Variants in KCNK10 observed in about 807,000 individuals in gnomAD.
KCNK10 encodes the protein potassium two pore domain channel subfamily K member 10.
A neutral mutation model predicts 47.7 loss-of-function variants in KCNK10; 25 were observed. That is an observed-to-expected ratio of 0.52 (90% CI 0.38 to 0.73). The LOEUF (loss-of-function observed/expected upper bound fraction) is 0.73, where lower values mean the gene tolerates loss of function less well. KCNK10 is among the 30% of genes least tolerant of loss of function. The pLI is 0.00. For missense variants in KCNK10, 563 were observed against 714.5 expected, an observed-to-expected ratio of 0.79 and a Z score of 2.42; for synonymous variants, 303 against 285.6, an observed-to-expected ratio of 1.06 and a Z score of -0.61.
At chr14:88,262,517 A>G (rs1398853783) in intron 2 of KCNK10, among the ~76,000 whole-genome samples, 1 of 152,138 alleles carries the variant, frequency 6.6e-6, no homozygotes, top group African/African-American at 2.4e-5. Context: ...CCAAGTCCAC[A>G]TCTGTCGCCC....
rs1243672497 is a variant in KCNK10 at position 88,184,908 on chromosome 14, T to C, written c.*627A>G. 8 of 152,930 alleles carry C rather than the reference T, an allele frequency of 5.2e-5. No individual in the cohort carries two copies. The highest frequency in any genetic ancestry group is 1.9e-4 in the African/African-American group (8 of 41,428). The allele number at this position is 152,930 out of a possible 1,614,324, so 9.5% of individuals were successfully genotyped here. On this transcript the variant is annotated 3_prime_UTR_variant, in exon 7 of 7. Transcript: ENST00000319231. ...GTGTTTGTGATTATTTTTTTTCTTTTGTCATGAGAAAAGCAATTGCACCTT... is the reference window on the plus strand; with the variant it reads ...GTGTTTGTGATTATTTTTTTTCTTTCGTCATGAGAAAAGCAATTGCACCTT...
upstream of KCNK10, chr14:88,326,573 A>T (rs1449952560): frequency 1.3e-6 from 1 of 772,232 alleles, no homozygotes; most frequent in Non-Finnish European, 2.2e-6. Flanking sequence ...TTCCTGCGGC[A>T]GGAAAACAAA....
In KCNK10 at chr14:88,270,243, G is replaced by C. The variant is rs141281960; in HGVS notation, c.53-6692C>G. On this transcript the variant is annotated intron_variant, in intron 1 of 6. Transcript: ENST00000319231. ...CAGACTTCAGGCCGCTGGGGAGGGA[G>C]GGTGTTAGGAAGAGGGCAGGAAAGA... Among the ~76,000 whole-genome samples the C allele has an allele frequency of 1.2e-3, 186 of 152,310 alleles. 1 individual carries two copies. The highest frequency in any genetic ancestry group is 4.2e-3 in the African/African-American group (175 of 41,580).
chr14:88,197,859 G>GGAGAGAGAGAGA lies in KCNK10; in HGVS notation c.682-5461_682-5450dup, dbSNP rs71126969. ...AAACAGAAGGAAGGAAGGAGGGAAG[G>GGAGAGAGAGAGA]GAGAGAGAGAGAGAGAGAGAGAGAG... On this transcript the variant is annotated intron_variant, in intron 4 of 6. Coordinates refer to ENST00000319231, the MANE Select transcript of KCNK10 (RefSeq NM_138317.3). 3.8e-3 allele frequency among the ~76,000 whole-genome samples: 476 copies of GGAGAGAGAGAGA among 125,386 alleles called. 8 individuals are homozygous for GGAGAGAGAGAGA. Among genetic ancestry groups the GGAGAGAGAGAGA allele is most frequent in the African/African-American group, 0.015 (449 of 30,254 alleles). 82.3% of individuals were successfully genotyped at this position (125,386 alleles called of 152,430 possible). A position where few individuals can be genotyped will look rare whatever the true frequency, so the allele number is the denominator to read the frequency against.
chr14:88,187,594 C>T (rs979009289), intron 6 of KCNK10, among the ~76,000 whole-genome samples: 28 of 150,110 alleles, frequency 1.9e-4, no homozygotes, highest in African/African-American at 6.1e-4. Flanking sequence ...TGCCTTTCTG[C>T]ACAGACCCTG....
chr14:88,289,350 G>C (rs924465549), intron 1 of KCNK10, among the ~76,000 whole-genome samples: 3 of 152,190 alleles, frequency 2.0e-5, no homozygotes, highest in Non-Finnish European at 2.9e-5. Context: ...CTGAAGCAGG[G>C]CCCCATTAGT....
chr14:88,323,034 T>C lies in KCNK10; in HGVS notation c.-236A>G. On this transcript the variant is annotated 5_prime_UTR_variant, in exon 1 of 7. Transcript: ENST00000319231. The stretch of plus-strand genomic sequence containing the variant: ...CAGGGGGTGGCCGGCCGCGGCCCCG[T>C]GGGTAAAAGAAAAAGTAAGATCGGC... The C allele has an allele frequency of 7.5e-7, 1 of 1,332,442 alleles. No individual in the cohort carries two copies. The highest frequency in any genetic ancestry group is 9.6e-7 in the Non-Finnish European group (1 of 1,039,898). The allele number at this position is 1,332,442 out of a possible 1,614,324, so 82.5% of individuals were successfully genotyped here. A position where few individuals can be genotyped will look rare whatever the true frequency, so the allele number is the denominator to read the frequency against.
At chr14:88,273,712 C>A (rs918436740) in intron 1 of KCNK10, among the ~76,000 whole-genome samples, 1 of 152,156 alleles carries the variant, frequency 6.6e-6, no homozygotes, top group East Asian at 1.9e-4. Flanking sequence ...CTTTATCCTG[C>A]CTCCATGATC....
Position 88,186,108 on chromosome 14 carries a change from C to T in KCNK10, c.1059G>A (p.Thr353=), listed in dbSNP as rs752146388. Residue 353 remains threonine (T), a synonymous_variant, in exon 7 of 7, where the codon ACG becomes ACA. Coordinates refer to ENST00000319231, the MANE Select transcript of KCNK10 (RefSeq NM_138317.3). This position sits in a 1 kb window ranked among gnomAD's most constrained non-coding sequence, Gnocchi z 5.5. ...AHAAEWKANV[T]AEFRETRRRL... Reference sequence around the variant, plus strand: ...TTCGCCGTGTCTCCCGGAACTCAGCCGTGACATTGGCCTTCCACTCTGCCG... The same window carrying T: ...TTCGCCGTGTCTCCCGGAACTCAGCTGTGACATTGGCCTTCCACTCTGCCG... 1.1e-5 allele frequency: 17 copies of T among 1,607,718 alleles called. No individual in the cohort carries two copies. Among genetic ancestry groups the T allele is most frequent in the African/African-American group, 2.7e-5 (2 of 74,808 alleles).
At chr14:88,193,644 T>C (rs1349977680) in intron 4 of KCNK10, among the ~76,000 whole-genome samples, 1 of 152,208 alleles carries the variant, frequency 6.6e-6, no homozygotes, top group Non-Finnish European at 1.5e-5. Flanking sequence ...TGCATCCTCT[T>C]CATCGCACCA....
At chr14:88,200,393 C>T (rs1885065798) in intron 4 of KCNK10, among the ~76,000 whole-genome samples, 1 of 152,034 alleles carries the variant, frequency 6.6e-6, no homozygotes, top group Non-Finnish European at 1.5e-5. Flanking sequence ...AGAGATAGAA[C>T]AATAGTTTGA....
chr14:88,322,787 T>A lies in KCNK10; in HGVS notation c.12A>T (p.Pro4=), dbSNP rs1344409593. MKF[P]IETPRKQVNW... Reference sequence around the variant, plus strand: ...TCACCTGTTTTCTTGGCGTCTCGATTGGAAATTTCATTGCTTCGTTGCCCA... The same window carrying A: ...TCACCTGTTTTCTTGGCGTCTCGATAGGAAATTTCATTGCTTCGTTGCCCA... Residue 4 remains proline, a synonymous_variant, in exon 1 of 7, where the codon CCA becomes CCT. Transcript: ENST00000319231. This position sits in a 1 kb window ranked among gnomAD's most constrained non-coding sequence, Gnocchi z 4.8. 6.2e-7 allele frequency: 1 copy of A among 1,614,160 alleles called. No homozygotes were observed.
intron 1 of KCNK10, among the ~76,000 whole-genome samples, chr14:88,284,076 C>A (rs1486076496): frequency 6.6e-6 from 1 of 152,094 alleles, no homozygotes; most frequent in Non-Finnish European, 1.5e-5. Flanking sequence ...CTTGGTTGGA[C>A]TTTGGAGTAA....
intron 1 of KCNK10, among the ~76,000 whole-genome samples, chr14:88,292,324 G>A (rs1178213505): frequency 6.6e-6 from 1 of 152,164 alleles, no homozygotes; most frequent in Non-Finnish European, 1.5e-5. Flanking sequence ...ACAGGGAAAG[G>A]AGAGCTTTGT....
At chr14:88,252,693 T>C (rs1473422598) in intron 2 of KCNK10, among the ~76,000 whole-genome samples, 2 of 152,082 alleles carry the variant, frequency 1.3e-5, no homozygotes, top group Non-Finnish European at 2.9e-5. Context: ...TAAATCTTTC[T>C]CCACTAAAAC....
chr14:88,268,395 T>A (rs1031955863), intron 1 of KCNK10, among the ~76,000 whole-genome samples: 4 of 152,186 alleles, frequency 2.6e-5, no homozygotes, highest in African/African-American at 9.7e-5. Context: ...TGTAGGCGCA[T>A]GCTCATGCCC....
At chr14:88,323,995 G>A (rs1311676701), upstream of KCNK10, among the ~76,000 whole-genome samples, 1 of 152,164 alleles carries the variant, frequency 6.6e-6, no homozygotes, top group Non-Finnish European at 1.5e-5. Context: ...GGGGAAGCTC[G>A]CTCCCAAGGC....
chr14:88,313,673 G>T (rs868457809), intron 1 of KCNK10, among the ~76,000 whole-genome samples: 2 of 152,224 alleles, frequency 1.3e-5, no homozygotes, highest in Middle Eastern at 3.4e-3. Flanking sequence ...CAGCAGCCCG[G>T]ACAACATCTG....
At chr14:88,294,345 C>A (rs1003025755) in intron 1 of KCNK10, among the ~76,000 whole-genome samples, 1 of 152,250 alleles carries the variant, frequency 6.6e-6, no homozygotes, top group Non-Finnish European at 1.5e-5. Flanking sequence ...GGTCTGCAGC[C>A]TTTGGCAGCC....
Sources: allele counts gnomAD v4.1 joint callset (sites outside exome capture counted in the v4.1 genomes callset), GRCh38; gene constraint gnomAD v4.1.1; non-coding constraint Gnocchi (gnomAD v3.1); transcripts MANE v1.5; gene names NCBI Gene and HGNC (gene_info 2026-07-23, HGNC 2026-07-21).